DNM1L: variants seen among roughly 807,000 people sequenced by gnomAD.
DNM1L encodes dynamin 1L.
Under a neutral mutation model 92.8 loss-of-function variants are expected in DNM1L, and 33 were observed. That is an observed-to-expected ratio of 0.36 (90% CI 0.27 to 0.48). The LOEUF is 0.48. Ranked by LOEUF, DNM1L falls within the 20% of genes least tolerant of loss-of-function variation. The pLI is 0.99. For synonymous variants in DNM1L, 284 were observed against 305.0 expected, an observed-to-expected ratio of 0.93 and a Z score of 0.72; for missense variants, 485 against 888.8, an observed-to-expected ratio of 0.55 and a Z score of 5.78.
In DNM1L at chr12:32,679,371, C is replaced by T; in HGVS notation, c.8C>T (p.Ala3Val). The T allele has an allele frequency of 6.2e-7, 1 of 1,612,792 alleles. No individual in the cohort carries two copies. Residue 3 changes from alanine to valine, a missense_variant, in exon 1 of 20, where the codon GCG becomes GTG. Physicochemically the swap from Ala to Val is moderately conservative, Grantham distance 64. This residue lies in a region of DNM1L where 19 missense variants were observed against 16.1 expected (regional missense o/e 1.18). Transcript: ENST00000549701. ME[A>V]LIPVINKLQD... The stretch of plus-strand genomic sequence containing the variant: ...CCCCGTGTTTTCAGAGTCATGGAGG[C>T]GCTAATTCCTGTCATAAACAAGCTC...
intron 9 of DNM1L, among the ~76,000 whole-genome samples, chr12:32,723,723 CTA>C (rs1249366551): frequency 1.3e-5 from 2 of 149,330 alleles, no homozygotes; most frequent in African/African-American, 4.9e-5. Context: ...AACAGGGATT[CTA>C]TCTTTAAAGT....
rs1429832573 is a variant in DNM1L at position 32,701,636 on chromosome 12, TTAGA to T, written c.250+77_250+80del. The T allele has an allele frequency of 1.3e-5, 18 of 1,342,926 alleles. No individual in the cohort carries two copies. In the South Asian group the frequency reaches 1.8e-4, roughly 13 times the overall value. The allele number at this position is 1,342,926 out of a possible 1,614,324, so 83.2% of individuals were successfully genotyped here. On this transcript the variant is annotated intron_variant, in intron 2 of 19. Transcript: ENST00000549701. ...CTATTCTTAAAAAGATATGAATTGA[TTAGA>T]TAATTAGAAATTAGTGACTGTAGCA...
intron 1 of DNM1L, 54 bp downstream of exon 1, chr12:32,679,519 C>G: frequency 4.5e-6 from 7 of 1,544,384 alleles, no homozygotes; most frequent in Non-Finnish European, 6.2e-6. Flanking sequence ...CAGGCCTGGT[C>G]GGTGCTGCGG....
chr12:32,679,609 A>G (rs1427524903), intron 1 of DNM1L, 144 bp downstream of exon 1: 5 of 1,386,796 alleles, frequency 3.6e-6, no homozygotes, highest in Non-Finnish European at 3.7e-6. Flanking sequence ...TGGGGGCCCC[A>G]GGGCTCTCCG....
chr12:32,721,445 T>C (rs1408187927), intron 8 of DNM1L, among the ~76,000 whole-genome samples: 1 of 152,210 alleles, frequency 6.6e-6, no homozygotes, highest in Non-Finnish European at 1.5e-5. Flanking sequence ...AAGAATTGAT[T>C]GGGTGGCTTA....
chr12:32,713,385 T>A lies in DNM1L; in HGVS notation c.619+14T>A, dbSNP rs748289184. 1 of 1,613,412 alleles carries A rather than the reference T, an allele frequency of 6.2e-7. No individual in the cohort carries two copies. Among genetic ancestry groups the A allele is most frequent in the South Asian group, 1.1e-5 (1 of 91,074 alleles). Reference sequence around the variant, plus strand: ...TAGATCCAGATGGTAAGGACAGATGTTAATTTAATGAGATGCTTATTTTAC... The same window carrying A: ...TAGATCCAGATGGTAAGGACAGATGATAATTTAATGAGATGCTTATTTTAC... On this transcript the variant is annotated intron_variant, in intron 6 of 19. Coordinates refer to ENST00000549701, the MANE Select transcript of DNM1L (RefSeq NM_012062.5).
At position 32,740,609 on chromosome 12, in the gene DNM1L, AG is replaced by A. The variant is rs374482765; in HGVS notation, c.1994+93del. 44 of 1,219,528 alleles carry A rather than the reference AG, an allele frequency of 3.6e-5. No individual in the cohort carries two copies. In the East Asian group the frequency reaches 1.1e-3, roughly 31 times the overall value. The allele number at this position is 1,219,528 out of a possible 1,614,324, so 75.5% of individuals were successfully genotyped here. A position where few individuals can be genotyped will look rare whatever the true frequency, so the allele number is the denominator to read the frequency against. On this transcript the variant is annotated intron_variant, in intron 18 of 19. Transcript: ENST00000549701. The stretch of plus-strand genomic sequence containing the variant: ...AAAATACATGTATTTTTACAATTTT[AG>A]GTTTTTATTCTAAATCATCAAGTGG...
At chr12:32,717,360 TATATAATATATATACTATATATA>T (rs1953477591) in intron 6 of DNM1L, among the ~76,000 whole-genome samples, 1 of 73,682 alleles carries the variant, frequency 1.4e-5, no homozygotes, top group Non-Finnish European at 2.5e-5. Context: ...ATATATAGTA[TATATAATATATATACTATATATA>T]ATATATAGTA....
chr12:32,738,090 A>G (rs949609275), intron 15 of DNM1L, 148 bp downstream of exon 15: 4 of 1,066,174 alleles, frequency 3.8e-6, no homozygotes, highest in Non-Finnish European at 5.5e-6. Flanking sequence ...TTTTAAAATT[A>G]TATAACAATG....
At position 32,731,173 on chromosome 12, in the gene DNM1L, AG is replaced by A. The variant is rs1954529950; in HGVS notation, c.1200+41del. 6.2e-7 allele frequency: 1 copy of A among 1,613,074 alleles called. No individual in the cohort carries two copies. The highest frequency in any genetic ancestry group is 8.5e-7 in the Non-Finnish European group (1 of 1,179,518). On this transcript the variant is annotated intron_variant, in intron 10 of 19. Coordinates refer to ENST00000549701, the MANE Select transcript of DNM1L (RefSeq NM_012062.5). This position sits in a 1 kb window ranked among gnomAD's most constrained non-coding sequence, Gnocchi z 5.1. ...GCTTTTTAGACTGTAAAAAAAAATG[AG>A]GTTAAAGTTTTTCTTACCCATATAC...
chr12:32,683,764 C>G (rs894239595), intron 1 of DNM1L, among the ~76,000 whole-genome samples: 14 of 151,118 alleles, frequency 9.3e-5, no homozygotes. Flanking sequence ...AGGCTGGTCT[C>G]GAACTCCTGA....
At chr12:32,732,959 G>A (rs185036792) in intron 12 of DNM1L, among the ~76,000 whole-genome samples, 5 of 152,252 alleles carry the variant, frequency 3.3e-5, no homozygotes, top group African/African-American at 1.2e-4. Context: ...AGCCGGGCGT[G>A]GTGGTGCATG....
Position 32,740,447 on chromosome 12 carries a change from G to A in DNM1L, c.1923G>A (p.Gln641=). The change falls in exon 18 of 20, where the codon CAG becomes CAA. Residue 641 remains glutamine, a synonymous_variant. Coordinates refer to ENST00000549701, the MANE Select transcript of DNM1L (RefSeq NM_012062.5). ...PVARKLSARE[Q]RDCEVIERLI... ...CACGAAAACTATCTGCTCGGGAACA[G>A]CGAGATTGTGAGGTTATTGAACGAC... is the stretch of plus-strand genomic sequence containing the variant. 6.2e-7 allele frequency: 1 copy of A among 1,614,110 alleles called. No individual in the cohort carries two copies. The highest frequency in any genetic ancestry group is 8.5e-7 in the Non-Finnish European group (1 of 1,179,994).
chr12:32,679,818 A>G (rs1357279985), intron 1 of DNM1L: 3 of 1,011,598 alleles, frequency 3.0e-6, no homozygotes, highest in South Asian at 4.6e-5. Flanking sequence ...GCTGCCTCCA[A>G]GGGCACCTGG....
intron 6 of DNM1L, among the ~76,000 whole-genome samples, chr12:32,713,596 G>A (rs780758138): frequency 3.2e-4 from 49 of 152,106 alleles, no homozygotes; most frequent in Non-Finnish European, 3.5e-4. Flanking sequence ...TATTTGTAAT[G>A]GTTACCTAAT....
Position 32,728,993 on chromosome 12 carries a change from G to C in DNM1L, c.1080-2021G>C, listed in dbSNP as rs564374364. 6 of 151,966 alleles carry C rather than the reference G, an allele frequency of 3.9e-5. No homozygotes were observed. The East Asian group carries it at 1.2e-3, about 30-fold the overall frequency. The allele number at this position is 151,966 out of a possible 1,614,324, so 9.4% of individuals were successfully genotyped here. A position where few individuals can be genotyped will look rare whatever the true frequency, so the allele number is the denominator to read the frequency against. On this transcript the variant is annotated intron_variant, in intron 9 of 19. Coordinates refer to ENST00000549701, the MANE Select transcript of DNM1L (RefSeq NM_012062.5). ...TTTTTATTAGAGATGAGGTTTCACT[G>C]TGTTAGCCAGGATGGTCTCGATCTC...
rs2137626968 is a variant in DNM1L at position 32,744,284 on chromosome 12, T to C, written c.*874T>C. ...AAAGTGGAGCACTTACACCAGGCTC[T>C]AAGATTCACTTTGAGGTGGAACTTA... is the stretch of plus-strand genomic sequence containing the variant. On this transcript the variant is annotated 3_prime_UTR_variant, in exon 20 of 20. Transcript: ENST00000549701. The C allele has an allele frequency of 6.6e-6, 1 of 152,544 alleles. No individual in the cohort carries two copies. Among genetic ancestry groups the C allele is most frequent in the East Asian group, 1.9e-4 (1 of 5,196 alleles). The allele number at this position is 152,544 out of a possible 1,614,324, so 9.4% of individuals were successfully genotyped here.
chr12:32,740,569 T>C, intron 18 of DNM1L, 51 bp downstream of exon 18: 1 of 1,467,940 alleles, frequency 6.8e-7, no homozygotes, highest in South Asian at 1.2e-5. Context: ...TGGATGATTC[T>C]GTGATCTGTT....
Position 32,711,099 on chromosome 12 carries a change from A to C in DNM1L, c.456+84A>C. On this transcript the variant is annotated intron_variant, in intron 5 of 19. Coordinates refer to ENST00000549701, the MANE Select transcript of DNM1L (RefSeq NM_012062.5). Reference sequence around the variant, plus strand: ...ATGAGAATAATCAGCTTCTTTTTGCAATCACTTTGATCTGTTAGCAGCATT... The same window carrying C: ...ATGAGAATAATCAGCTTCTTTTTGCCATCACTTTGATCTGTTAGCAGCATT... 4 of 1,178,628 alleles carry C rather than the reference A, an allele frequency of 3.4e-6. No individual in the cohort carries two copies. In the Admixed American group the frequency reaches 5.2e-5, roughly 15 times the overall value. The allele number at this position is 1,178,628 out of a possible 1,614,324, so 73.0% of individuals were successfully genotyped here.
Sources: gnomAD v4.1 joint callset for allele counts (sites outside exome capture counted in the v4.1 genomes callset) on GRCh38, gnomAD v4.1.1 for gene constraint, gnomAD v4.1.1 regional missense constraint, Gnocchi (gnomAD v3.1) non-coding constraint, MANE v1.5 for transcripts, NCBI Gene and HGNC (gene_info 2026-07-23, HGNC 2026-07-21) for gene names.